The following OPRM1 variants were observed in gnomAD, a reference collection of about 807,000 sequenced individuals.
OPRM1 encodes mu-type opioid receptor.
Under a neutral mutation model 31.8 loss-of-function variants are expected in OPRM1, and 27 were observed. The ratio of observed to expected loss-of-function variants is 0.85; its 90% CI spans 0.63 to 1.17. The LOEUF (loss-of-function observed/expected upper bound fraction) is 1.17. OPRM1 is among the 50% of genes most tolerant of loss of function. The pLI is 0.00. For missense variants in OPRM1, 536 were observed against 511.1 expected, an observed-to-expected ratio of 1.05 and a Z score of -0.47; for synonymous variants, 196 against 189.9, an observed-to-expected ratio of 1.03 and a Z score of -0.26.
At chr6:154,205,780 C>G (rs952019143) in intron 3 of OPRM1, among the ~76,000 whole-genome samples, 2 of 152,076 alleles carry the variant, frequency 1.3e-5, no homozygotes, top group African/African-American at 4.8e-5. Context: ...TTTGTTTACC[C>G]CAGGCTGCCA....
At chr6:154,229,525 ATT>A (rs369132657) in intron 3 of OPRM1, among the ~76,000 whole-genome samples, 6 of 141,050 alleles carry the variant, frequency 4.3e-5, no homozygotes, top group Admixed American at 7.1e-5. Flanking sequence ...CATTTTTTGT[ATT>A]TTTTTTTTTT....
intron 3 of OPRM1, among the ~76,000 whole-genome samples, chr6:154,160,877 C>G: frequency 6.6e-6 from 1 of 152,284 alleles, no homozygotes; most frequent in East Asian, 1.9e-4. Flanking sequence ...GCCTCCTGAG[C>G]GAGACCACTG....
Position 154,197,996 on chromosome 6 carries a change from C to A in OPRM1, c.1165-48697C>A, listed in dbSNP as rs189603427. On this transcript the variant is annotated intron_variant, in intron 3 of 3. Coordinates refer to the OPRM1 transcript ENST00000337049. ...GCATCAAGATAGAGGTCATCTAGTT[C>A]AAGATGCTTAAATTCTCTCTTCAGT... Among the ~76,000 whole-genome samples, 728 of 152,250 alleles carry A rather than the reference C, an allele frequency of 4.8e-3. 2 individuals are homozygous for A. The highest frequency in any genetic ancestry group is 0.017 in the African/African-American group (689 of 41,524).
chr6:154,191,810 A>T (rs1201493787), intron 3 of OPRM1, among the ~76,000 whole-genome samples: 1 of 152,228 alleles, frequency 6.6e-6, no homozygotes, highest in Non-Finnish European at 1.5e-5. Flanking sequence ...GCAAGGTGTT[A>T]ATAATAGAGG....
intron 3 of OPRM1, among the ~76,000 whole-genome samples, chr6:154,092,861 G>A (rs756466467): frequency 7.9e-5 from 12 of 152,214 alleles, no homozygotes; most frequent in Non-Finnish European, 1.5e-4. Context: ...CAGACAAAGG[G>A]AAATTAACTT....
At chr6:154,057,599 C>A (rs1164954776) in intron 1 of OPRM1, among the ~76,000 whole-genome samples, 1 of 152,068 alleles carries the variant, frequency 6.6e-6, no homozygotes, top group Admixed American at 6.6e-5. Context: ...GTGGAAAAGG[C>A]CTGCGTTCAT....
chr6:154,047,678 ATG>A (rs1355701118), intron 1 of OPRM1, among the ~76,000 whole-genome samples: 3 of 152,146 alleles, frequency 2.0e-5, no homozygotes, highest in African/African-American at 7.2e-5. Flanking sequence ...TGTTCTGGAT[ATG>A]TGTCTGTCCA....
intron 1 of OPRM1, among the ~76,000 whole-genome samples, chr6:154,019,991 C>G (rs953994439): frequency 1.3e-5 from 2 of 152,084 alleles, no homozygotes; most frequent in Admixed American, 1.3e-4. Context: ...ACGTTGGCCT[C>G]CCAAACTGCT....
chr6:154,034,964 C>G (rs1031194333), upstream of OPRM1, among the ~76,000 whole-genome samples: 1 of 152,140 alleles, frequency 6.6e-6, no homozygotes, highest in Non-Finnish European at 1.5e-5. Flanking sequence ...CGATTCTGTA[C>G]AGTTAAATAT....
chr6:154,037,776 A>T (rs990167253), upstream of OPRM1, among the ~76,000 whole-genome samples: 4 of 152,148 alleles, frequency 2.6e-5, no homozygotes, highest in African/African-American at 9.6e-5. Context: ...GAAGACTGTC[A>T]TCCTGTAGGG....
At chr6:154,106,491 T>C (rs966837476) in intron 3 of OPRM1, among the ~76,000 whole-genome samples, 1 of 152,176 alleles carries the variant, frequency 6.6e-6, no homozygotes, top group Non-Finnish European at 1.5e-5. Flanking sequence ...GTAAGAGTCA[T>C]AGTGGCATTT....
At chr6:154,222,745 A>G (rs1320760194) in intron 3 of OPRM1, among the ~76,000 whole-genome samples, 2 of 152,324 alleles carry the variant, frequency 1.3e-5, no homozygotes, top group South Asian at 2.1e-4. Flanking sequence ...AGAAAATTCA[A>G]TTCCAAGTGT....
chr6:154,169,107 T>A (rs1799666737), intron 3 of OPRM1, among the ~76,000 whole-genome samples: 1 of 146,352 alleles, frequency 6.8e-6, no homozygotes, highest in Admixed American at 6.8e-5. Flanking sequence ...ACGCCTGTAA[T>A]CCCAACACTT....
At chr6:154,056,706 G>A (rs477589) in intron 1 of OPRM1, among the ~76,000 whole-genome samples, 7,140 of 152,028 alleles carry the variant, frequency 0.047, 321 homozygotes, top group Admixed American at 0.15. Flanking sequence ...TTTTTTCACC[G>A]AAATGCTGGG....
intron 3 of OPRM1, chr6:154,212,992 G>GTAAC (rs1353393407): frequency 1.4e-5 from 9 of 661,490 alleles, no homozygotes; most frequent in Non-Finnish European, 2.4e-5. Context: ...GAACTACCTG[G>GTAAC]TAACTACCTG....
chr6:154,093,677 A>T (rs1792828320), intron 3 of OPRM1, among the ~76,000 whole-genome samples: 1 of 152,236 alleles, frequency 6.6e-6, no homozygotes, highest in Non-Finnish European at 1.5e-5. Flanking sequence ...GAAACACATT[A>T]GCCCTCGAAT....
chr6:154,036,888 A>C (rs1779334555), upstream of OPRM1, among the ~76,000 whole-genome samples: 1 of 151,988 alleles, frequency 6.6e-6, no homozygotes, highest in Non-Finnish European at 1.5e-5. Flanking sequence ...AGAAACACAG[A>C]GAGTGAGGGA....
intron 1 of OPRM1, among the ~76,000 whole-genome samples, chr6:154,083,123 C>A (rs1789552639): frequency 6.6e-6 from 1 of 152,180 alleles, no homozygotes. Context: ...AAAGCAAGGT[C>A]TCTTGGCTAT....
At chr6:154,092,058 A>G (rs768364988) in intron 3 of OPRM1, 4 of 263,014 alleles carry the variant, frequency 1.5e-5, no homozygotes, top group Non-Finnish European at 2.4e-5. Context: ...ATTAGACTGA[A>G]TAATATATTA....
Sources: gnomAD v4.1 joint callset for allele counts (sites outside exome capture counted in the v4.1 genomes callset) on GRCh38, gnomAD v4.1.1 for gene constraint, MANE v1.5 for transcripts, NCBI Gene and HGNC (gene_info 2026-07-23, HGNC 2026-07-21) for gene names.